The following PTPRD variants were observed in gnomAD, a reference collection of about 807,000 sequenced individuals.
The protein encoded by PTPRD is receptor-type tyrosine-protein phosphatase delta.
A neutral mutation model predicts 214.5 loss-of-function variants in PTPRD; 34 were observed. The ratio of observed to expected loss-of-function variants is 0.16; its 90% CI spans 0.12 to 0.21. The LOEUF is 0.21. Ranked by LOEUF, PTPRD falls within the 10% of genes least tolerant of loss-of-function variation. The probability of loss-of-function intolerance (pLI) is 1.00; values close to 1 mark genes in which losing one functional copy is unlikely to be tolerated. For synonymous variants in PTPRD, 1,128 were observed against 845.7 expected (o/e 1.33, Z -5.79); for missense variants, 2,545 against 2,398.7 (o/e 1.06, Z -1.27).
chr9:10,357,753 C>T (rs1041578084), intron 2 of PTPRD, among the ~76,000 whole-genome samples: 2 of 151,766 alleles, frequency 1.3e-5, no homozygotes, highest in African/African-American at 4.9e-5. Context: ...TTAAAAACAA[C>T]GACTATGCAT....
chr9:8,377,403 G>T (rs578122143), intron 37 of PTPRD, among the ~76,000 whole-genome samples: 1 of 152,116 alleles, frequency 6.6e-6, no homozygotes, highest in East Asian at 1.9e-4. Context: ...ATTTCTATGT[G>T]AAGTGGAACA....
intron 2 of PTPRD, among the ~76,000 whole-genome samples, chr9:10,415,587 A>C (rs1182720539): frequency 2.0e-5 from 3 of 151,882 alleles, no homozygotes; most frequent in Non-Finnish European, 2.9e-5. Flanking sequence ...ATAAGAAAAC[A>C]CTCCTAGAGC....
chr9:8,423,632 C>T (rs111906285), intron 35 of PTPRD, among the ~76,000 whole-genome samples: 1,781 of 152,174 alleles, frequency 0.012, 41 homozygotes, highest in African/African-American at 0.041. Context: ...GAATCTGACT[C>T]GTGATATGTA....
intron 12 of PTPRD, among the ~76,000 whole-genome samples, chr9:8,705,324 A>T (rs1467585588): frequency 6.6e-6 from 1 of 152,100 alleles, no homozygotes; most frequent in East Asian, 1.9e-4. Flanking sequence ...GGATTCTGTG[A>T]TTCTCCTGCC....
At chr9:8,482,458 A>AATC (rs2135660017) in intron 30 of PTPRD, among the ~76,000 whole-genome samples, 1 of 152,056 alleles carries the variant, frequency 6.6e-6, no homozygotes, top group East Asian at 2.0e-4. Flanking sequence ...CCAAATTCCA[A>AATC]CAATGCATGA....
intron 3 of PTPRD, among the ~76,000 whole-genome samples, chr9:10,072,108 A>G (rs922839259): frequency 9.2e-5 from 14 of 151,980 alleles, no homozygotes; most frequent in African/African-American, 3.4e-4. Context: ...TACATATCTA[A>G]TAATATACTT....
intron 14 of PTPRD, among the ~76,000 whole-genome samples, chr9:8,598,350 A>G (rs550189398): frequency 2.0e-5 from 3 of 152,048 alleles, no homozygotes; most frequent in African/African-American, 7.2e-5. Context: ...TATCCCAGTT[A>G]CTCGGGAGGC....
At chr9:9,815,131 A>C (rs2048356895) in intron 5 of PTPRD, among the ~76,000 whole-genome samples, 1 of 152,200 alleles carries the variant, frequency 6.6e-6, no homozygotes, top group African/African-American at 2.4e-5. Flanking sequence ...ATAGTAATAA[A>C]AAATATGATA....
chr9:9,859,593 T>G lies in PTPRD; in HGVS notation c.-368+78914A>C, dbSNP rs1222885437. ...TCAAGGAGAGAATGCTCTTGTCATA[T>G]TTGTATAAATATTCTAGCTCATAGG... is the stretch of plus-strand genomic sequence containing the variant. On this transcript the variant is annotated intron_variant, in intron 5 of 45. Coordinates refer to ENST00000381196, the MANE Select transcript of PTPRD (RefSeq NM_002839.4). Among the ~76,000 whole-genome samples the G allele has an allele frequency of 5.3e-5, 8 of 152,240 alleles. No individual in the cohort carries two copies. In the East Asian group the frequency reaches 1.5e-3, roughly 29 times the overall value.
intron 3 of PTPRD, among the ~76,000 whole-genome samples, chr9:10,310,419 T>C (rs2096237784): frequency 6.6e-6 from 1 of 152,098 alleles, no homozygotes; most frequent in Admixed American, 6.6e-5. Context: ...ACGTTATCAT[T>C]ATTAGTCATG....
chr9:9,968,285 A>C (rs1447024691), intron 4 of PTPRD, among the ~76,000 whole-genome samples: 1 of 152,170 alleles, frequency 6.6e-6, no homozygotes, highest in Non-Finnish European at 1.5e-5. Context: ...ATTTGACTAA[A>C]AGTGATAATG....
chr9:8,416,559 C>G (rs2093953508), intron 35 of PTPRD, among the ~76,000 whole-genome samples: 2 of 152,144 alleles, frequency 1.3e-5, no homozygotes. Context: ...GGACTCAACA[C>G]TCTGGAGGGG....
intron 11 of PTPRD, among the ~76,000 whole-genome samples, chr9:8,761,282 A>G (rs1051386136): frequency 1.3e-5 from 2 of 152,234 alleles, no homozygotes; most frequent in African/African-American, 4.8e-5. Flanking sequence ...TAGCTATAAA[A>G]AGAGACTAGG....
intron 14 of PTPRD, among the ~76,000 whole-genome samples, chr9:8,625,428 C>T (rs549826228): frequency 2.2e-4 from 33 of 151,694 alleles, no homozygotes; most frequent in African/African-American, 7.5e-4. Flanking sequence ...CTATGTATGC[C>T]GATACTTAGA....
intron 3 of PTPRD, among the ~76,000 whole-genome samples, chr9:10,143,666 C>T (rs1207686027): frequency 6.6e-6 from 1 of 152,052 alleles, no homozygotes; most frequent in Non-Finnish European, 1.5e-5. Context: ...AGGTGTCCAT[C>T]AACAGTGGGT....
chr9:9,922,960 C>A (rs2083013229), intron 5 of PTPRD, among the ~76,000 whole-genome samples: 2 of 144,482 alleles, frequency 1.4e-5, no homozygotes, highest in South Asian at 4.4e-4. Context: ...TATTCTAATT[C>A]TATCAAAGTA....
intron 34 of PTPRD, among the ~76,000 whole-genome samples, chr9:8,447,070 A>C (rs1388040859): frequency 6.6e-6 from 1 of 152,230 alleles, no homozygotes; most frequent in Non-Finnish European, 1.5e-5. Flanking sequence ...TTGGATGGCA[A>C]ATAAACAATT....
intron 3 of PTPRD, among the ~76,000 whole-genome samples, chr9:10,065,059 AT>A (rs2097849715): frequency 6.6e-6 from 1 of 151,702 alleles, no homozygotes; most frequent in Non-Finnish European, 1.5e-5. Flanking sequence ...ATACATAGTA[AT>A]TTGCCTTGCC....
intron 23 of PTPRD, among the ~76,000 whole-genome samples, chr9:8,503,511 C>A (rs947243653): frequency 2.0e-5 from 3 of 152,128 alleles, no homozygotes; most frequent in Non-Finnish European, 4.4e-5. Flanking sequence ...AGCCACCAAA[C>A]TTTCCACCAA....
Sources: allele counts gnomAD v4.1 joint callset (sites outside exome capture counted in the v4.1 genomes callset), GRCh38; gene constraint gnomAD v4.1.1; transcripts MANE v1.5; gene names NCBI Gene and HGNC (gene_info 2026-07-23, HGNC 2026-07-21).